The following CPB2 variants were observed in gnomAD, a reference collection of about 807,000 sequenced individuals.
CPB2 encodes carboxypeptidase B-like protein.
CPB2 carries 54 observed loss-of-function variants against 57.0 expected under a neutral mutation model. The observed-to-expected ratio is 0.95, with a 90% confidence interval of 0.76 to 1.19. CPB2 has a LOEUF of 1.19. Ranked by LOEUF, CPB2 falls within the 50% of genes most tolerant of loss-of-function variation. The probability of loss-of-function intolerance (pLI) is 0.00; values close to 1 mark genes in which losing one functional copy is unlikely to be tolerated. For synonymous variants in CPB2, 189 were observed against 178.1 expected (o/e 1.06, Z -0.49); for missense variants, 426 against 512.0 (o/e 0.83, Z 1.62).
intron 7 of CPB2, 146 bp from the exon 8 acceptor site, chr13:46,064,887 T>C: frequency 1.5e-6 from 1 of 656,640 alleles, no homozygotes; most frequent in Non-Finnish European, 2.7e-6. Context: ...TCACTGTTGT[T>C]GCAATATTCC....
intron 4 of CPB2, among the ~76,000 whole-genome samples, chr13:46,079,551 A>AAAAAAAAAAAAAAAAAAG (rs2045078862): frequency 6.7e-4 from 83 of 124,716 alleles, no homozygotes; most frequent in African/African-American, 8.7e-4. Flanking sequence ...AAAAAAAAAA[A>AAAAAAAAAAAAAAAAAAG]AAAAGAAAAG....
intron 5 of CPB2, among the ~76,000 whole-genome samples, chr13:46,075,452 C>T (rs951613027): frequency 6.6e-6 from 1 of 152,326 alleles, no homozygotes; most frequent in African/African-American, 2.4e-5. Flanking sequence ...ACCAAACCAT[C>T]CAGAATGCAT....
chr13:46,089,388 G>C lies in CPB2; in HGVS notation c.75-1568C>G, dbSNP rs188836599. Among the ~76,000 whole-genome samples the C allele has an allele frequency of 3.2e-3, 488 of 152,206 alleles. 4 individuals carry two copies. The highest frequency in any genetic ancestry group is 0.011 in the African/African-American group (469 of 41,528). ...TGAGCTTTGCCAATGGGAATGCGTG[G>C]GAGTGTTATAGGTGCCTAAGAGTAG... On this transcript the variant is annotated intron_variant, in intron 1 of 10. Transcript: ENST00000181383.
intron 1 of CPB2, among the ~76,000 whole-genome samples, chr13:46,102,575 A>G (rs1347712260): frequency 3.6e-5 from 5 of 139,086 alleles, no homozygotes; most frequent in South Asian, 2.3e-4. Context: ...CAGCTTTAAG[A>G]AAAAGCCAGA....
At chr13:46,053,906 T>C (rs1593875104) in intron 10 of CPB2, 108 bp from the exon 11 acceptor site, 1 of 1,128,416 alleles carries the variant, frequency 8.9e-7, no homozygotes, top group Non-Finnish European at 1.2e-6. Context: ...TTTAGATTTT[T>C]TTCAGTTTTT....
intron 5 of CPB2, among the ~76,000 whole-genome samples, chr13:46,078,375 A>T (rs551104598): frequency 6.6e-6 from 1 of 152,326 alleles, no homozygotes; most frequent in East Asian, 1.9e-4. Context: ...GAAAAAAATA[A>T]ACACCACTTC....
At chr13:46,086,065 A>G (rs551955238) in intron 2 of CPB2, among the ~76,000 whole-genome samples, 6 of 152,132 alleles carry the variant, frequency 3.9e-5, no homozygotes, top group Admixed American at 2.0e-4. Flanking sequence ...GTGTCCCTCA[A>G]GCAGCTTCAA....
At chr13:46,056,331 C>A (rs1010724461) in intron 9 of CPB2, among the ~76,000 whole-genome samples, 1 of 152,150 alleles carries the variant, frequency 6.6e-6, no homozygotes, top group African/African-American at 2.4e-5. Context: ...CTAATGACTT[C>A]CATAGATTCA....
intron 1 of CPB2, among the ~76,000 whole-genome samples, chr13:46,088,565 C>T (rs2045244454): frequency 6.6e-6 from 1 of 152,196 alleles, no homozygotes; most frequent in Non-Finnish European, 1.5e-5. Context: ...GTTTTAATTT[C>T]ATAGGATAGT....
intron 8 of CPB2, among the ~76,000 whole-genome samples, chr13:46,059,698 T>C (rs2044745164): frequency 6.6e-6 from 1 of 152,198 alleles, no homozygotes; most frequent in Non-Finnish European, 1.5e-5. Flanking sequence ...TGAGCCTCTC[T>C]AGGGCTCCAG....
intron 1 of CPB2, among the ~76,000 whole-genome samples, chr13:46,095,321 TA>T (rs35255859): frequency 0.73 from 109,334 of 149,766 alleles, 39,925 homozygotes; most frequent in East Asian, 0.81. Context: ...ATATCAAAAT[TA>T]AAAAAAAAAA....
intron 9 of CPB2, among the ~76,000 whole-genome samples, chr13:46,056,344 A>G (rs1022649904): frequency 7.9e-5 from 12 of 152,154 alleles, no homozygotes; most frequent in African/African-American, 2.9e-4. Flanking sequence ...TAGATTCATC[A>G]AATCAAAAAA....
In CPB2 at chr13:46,084,212, T is replaced by C; in HGVS notation, c.275+7A>G. 6.2e-7 allele frequency: 1 copy of C among 1,614,110 alleles called. No homozygotes were observed. Among genetic ancestry groups the C allele is most frequent in the South Asian group, 1.1e-5 (1 of 91,074 alleles). On this transcript the variant is annotated splice_region_variant and intron_variant, in intron 3 of 10. Transcript: ENST00000181383. ...TAACTACTCAATACGTATTGAACGGTGCCTACCTGCATGGAATTCCGCTCA... is the reference window on the plus strand; with the variant it reads ...TAACTACTCAATACGTATTGAACGGCGCCTACCTGCATGGAATTCCGCTCA...
chr13:46,072,279 T>C (rs764799212), intron 6 of CPB2, among the ~76,000 whole-genome samples: 1 of 152,146 alleles, frequency 6.6e-6, no homozygotes, highest in Non-Finnish European at 1.5e-5. Flanking sequence ...AATTTGCCTT[T>C]GGGTGGTTTA....
At chr13:46,056,414 T>C (rs2044697444) in intron 9 of CPB2, among the ~76,000 whole-genome samples, 1 of 152,178 alleles carries the variant, frequency 6.6e-6, no homozygotes, top group African/African-American at 2.4e-5. Flanking sequence ...CTTCATTTTG[T>C]CTGTTGATAT....
In CPB2 at chr13:46,082,472, G is replaced by A. The variant is rs374795711; in HGVS notation, c.353C>T (p.Ser118Leu). 19 of 1,612,950 alleles carry A rather than the reference G, an allele frequency of 1.2e-5. No homozygotes were observed. The highest frequency in any genetic ancestry group is 4.0e-5 in the African/African-American group (3 of 75,016). Residue 118 changes from serine to leucine, a missense_variant, in exon 4 of 11, where the codon TCG becomes TTG. By Grantham distance (145) the Ser-to-Leu change is moderately radical. Transcript: ENST00000181383. The stretch of plus-strand genomic sequence containing the variant: ...TAGTGAGTGATACTGTTCATAGTAC[G>A]ATGCGGAGGCTCGGGGGCTGACTGT... ...NDTVSPRASA[S>L]YYEQYHSLNE...
At chr13:46,072,179 T>G (rs896102560) in intron 6 of CPB2, among the ~76,000 whole-genome samples, 1 of 152,196 alleles carries the variant, frequency 6.6e-6, no homozygotes, top group Non-Finnish European at 1.5e-5. Flanking sequence ...AAGTGTAGTG[T>G]AGTGGATTTC....
intron 10 of CPB2, among the ~76,000 whole-genome samples, 153 bp from the exon 11 acceptor site, chr13:46,053,951 G>T (rs1321191139): frequency 6.6e-6 from 1 of 151,962 alleles, no homozygotes; most frequent in Non-Finnish European, 1.5e-5. Context: ...GAGTACCCTT[G>T]TTTATACATA....
chr13:46,055,116 G>T (rs1057338529), intron 10 of CPB2, among the ~76,000 whole-genome samples: 4 of 149,718 alleles, frequency 2.7e-5, no homozygotes, highest in Non-Finnish European at 4.4e-5. Flanking sequence ...TGGCCTTCAG[G>T]CTGTAGTTTT....
Sources: gnomAD v4.1 joint callset for allele counts (sites outside exome capture counted in the v4.1 genomes callset) on GRCh38, gnomAD v4.1.1 for gene constraint, MANE v1.5 for transcripts, NCBI Gene and HGNC (gene_info 2026-07-23, HGNC 2026-07-21) for gene names.